The following FSTL1 variants were observed in gnomAD, a reference collection of about 807,000 sequenced individuals.
FSTL1 encodes follistatin like 1, also known as follistatin-related protein 1.
In FSTL1, 24 loss-of-function variants were observed where a neutral mutation model predicts 45.9. That is an observed-to-expected ratio of 0.52 (90% CI 0.38 to 0.74). FSTL1 has a LOEUF of 0.74. FSTL1 is among the 30% of genes least tolerant of loss of function. FSTL1 has a pLI of 0.00. For synonymous variants in FSTL1, 120 were observed against 137.6 expected, an observed-to-expected ratio of 0.87 and a Z score of 0.89; for missense variants, 340 against 381.8, an observed-to-expected ratio of 0.89 and a Z score of 0.91.
In FSTL1 at chr3:120,435,680, TCAG is replaced by T. The variant is rs1937539090; in HGVS notation, c.63+15001_63+15003del. On this transcript the variant is annotated intron_variant, in intron 2 of 10. Coordinates refer to ENST00000295633, the MANE Select transcript of FSTL1 (RefSeq NM_007085.5). The stretch of plus-strand genomic sequence containing the variant: ...GCAGAGAAAAGACTTTTTCCTGGAG[TCAG>T]AGTCAAACAACAAATCACTGGAGAA... Among the ~76,000 whole-genome samples, 4 of 152,214 alleles carry T rather than the reference TCAG, an allele frequency of 2.6e-5. No homozygotes were observed. The South Asian group carries it at 8.3e-4, about 32-fold the overall frequency.
rs1423936894 is a variant in FSTL1, at chr3:120,415,982, C to T, written c.109G>A (p.Gly37Arg). 2 of 1,614,068 alleles carry T rather than the reference C, an allele frequency of 1.2e-6. No homozygotes were observed. Among genetic ancestry groups the T allele is most frequent in the South Asian group, 1.1e-5 (1 of 91,082 alleles). The change falls in exon 3 of 11, where the codon GGA becomes AGA. Residue 37 changes from glycine to arginine, a missense_variant. Gly to Arg is a moderately radical substitution (Grantham distance 125). Coordinates refer to ENST00000295633, the MANE Select transcript of FSTL1 (RefSeq NM_007085.5). ...GTGACTGCACATTCCCGGCCGGCTC[C>T]ACAAAACACATTGGCACAGATCTTG... The part of the protein sequence containing the change: ...KSKICANVFC[G>R]AGRECAVTEK...
chr3:120,406,315 C>T (rs930880174), intron 6 of FSTL1, among the ~76,000 whole-genome samples: 1 of 152,168 alleles, frequency 6.6e-6, no homozygotes, highest in African/African-American at 2.4e-5. Context: ...GTTAGTAGCA[C>T]AGGGCTTTCT....
intron 2 of FSTL1, among the ~76,000 whole-genome samples, chr3:120,448,239 A>G (rs2107675173): frequency 6.6e-6 from 1 of 152,376 alleles, no homozygotes; most frequent in South Asian, 2.1e-4. Flanking sequence ...TATTTGTACA[A>G]TTTTAGCGAT....
intron 6 of FSTL1, among the ~76,000 whole-genome samples, chr3:120,409,272 TC>T (rs1937004736): frequency 6.6e-6 from 1 of 152,210 alleles, no homozygotes; most frequent in Non-Finnish European, 1.5e-5. Flanking sequence ...TGACAGGTTC[TC>T]CAAGACCTTT....
intron 2 of FSTL1, among the ~76,000 whole-genome samples, chr3:120,450,365 G>A (rs965993240): frequency 5.3e-5 from 8 of 152,126 alleles, no homozygotes; most frequent in African/African-American, 9.7e-5. Flanking sequence ...ACGGAACTGA[G>A]GCGCCTTTTT....
intron 5 of FSTL1, 57 bp from the exon 6 acceptor site, chr3:120,409,719 C>A: frequency 1.3e-6 from 2 of 1,568,668 alleles, no homozygotes; most frequent in Non-Finnish European, 8.8e-7. Context: ...CCAGTGATAT[C>A]TGGCACCCAC....
chr3:120,411,798 T>A, intron 4 of FSTL1, 56 bp downstream of exon 4: 1 of 1,536,558 alleles, frequency 6.5e-7, no homozygotes, highest in East Asian at 2.3e-5. Flanking sequence ...CACACTGCTC[T>A]GTTCCTTGGC....
chr3:120,412,817 TGTGCGCGC>T (rs72554515), intron 3 of FSTL1, among the ~76,000 whole-genome samples: 4,014 of 87,470 alleles, frequency 0.046, 75 homozygotes, highest in South Asian at 0.12. Flanking sequence ...CACACACACA[TGTGCGCGC>T]GCGCGCGCGC....
chr3:120,442,442 G>A (rs927612612), intron 2 of FSTL1, among the ~76,000 whole-genome samples: 5 of 152,174 alleles, frequency 3.3e-5, no homozygotes, highest in East Asian at 3.9e-4. Context: ...GTTCTACAGC[G>A]TTGCTCTTAA....
chr3:120,439,986 T>C (rs1937611432), intron 2 of FSTL1, among the ~76,000 whole-genome samples: 1 of 152,118 alleles, frequency 6.6e-6, no homozygotes, highest in South Asian at 2.1e-4. Context: ...TGATGGCACA[T>C]GCCTGTAGTC....
chr3:120,421,656 T>C (rs1177593988), intron 2 of FSTL1: 1 of 152,180 alleles, frequency 6.6e-6, no homozygotes, highest in Non-Finnish European at 1.5e-5. Flanking sequence ...TGGAAAGAAA[T>C]GTGTTGGTAC....
intron 6 of FSTL1, among the ~76,000 whole-genome samples, chr3:120,406,437 C>A (rs1936949249): frequency 1.3e-5 from 2 of 151,868 alleles, no homozygotes; most frequent in African/African-American, 4.8e-5. Context: ...CCAGCACTAG[C>A]TACAGACCCA....
chr3:120,402,293 TC>T (rs1936841950), intron 9 of FSTL1, among the ~76,000 whole-genome samples: 1 of 152,192 alleles, frequency 6.6e-6, no homozygotes, highest in Admixed American at 6.5e-5. Flanking sequence ...CAACCACTAG[TC>T]TTTTACCATT....
chr3:120,403,511 A>ACTATTATC (rs1936870614), intron 7 of FSTL1, among the ~76,000 whole-genome samples, 157 bp from the exon 8 acceptor site: 1 of 152,102 alleles, frequency 6.6e-6, no homozygotes. Context: ...ACCCAACACA[A>ACTATTATC]CTATTATCCA....
At chr3:120,445,424 T>C (rs1191550671) in intron 2 of FSTL1, among the ~76,000 whole-genome samples, 1 of 149,376 alleles carries the variant, frequency 6.7e-6, no homozygotes, top group Non-Finnish European at 1.5e-5. Flanking sequence ...GATTAAAAGA[T>C]AGCCATCTTT....
In FSTL1 at chr3:120,403,932, A is replaced by AAC. The variant is rs1553789470; in HGVS notation, c.582-579_582-578insGT. Among the ~76,000 whole-genome samples the AAC allele has an allele frequency of 1.1e-4, 15 of 131,102 alleles. 1 individual carries two copies. Among genetic ancestry groups the AAC allele is most frequent in the Non-Finnish European group, 2.3e-4 (14 of 60,794 alleles). The allele number at this position is 131,102 out of a possible 152,430, so 86.0% of individuals were successfully genotyped here. A position where few individuals can be genotyped will look rare whatever the true frequency, so the allele number is the denominator to read the frequency against. On this transcript the variant is annotated intron_variant, in intron 7 of 10. Coordinates refer to ENST00000295633, the MANE Select transcript of FSTL1 (RefSeq NM_007085.5). ...CGAGACTCCGTCTCAAAAAAAAAAA[A>AAC]AAAAAAAAAAAACAAAAACAAAACA...
At chr3:120,397,190 A>C (rs752972878) in intron 10 of FSTL1, among the ~76,000 whole-genome samples, 194 bp from the exon 11 acceptor site, 1 of 152,202 alleles carries the variant, frequency 6.6e-6, no homozygotes, top group Non-Finnish European at 1.5e-5. Context: ...ATGGTCATGC[A>C]GGGGCTGTTT....
At chr3:120,433,661 A>G (rs1685306216) in intron 2 of FSTL1, among the ~76,000 whole-genome samples, 1 of 152,210 alleles carries the variant, frequency 6.6e-6, no homozygotes, top group Admixed American at 6.5e-5. Context: ...TCAGCCTGTG[A>G]TCAGTAAGTT....
At chr3:120,447,923 T>A (rs1021891932) in intron 2 of FSTL1, among the ~76,000 whole-genome samples, 7 of 152,220 alleles carry the variant, frequency 4.6e-5, no homozygotes, top group African/African-American at 1.7e-4. Context: ...AGTGCTGGGA[T>A]TACAGGCATG....
Sources: gnomAD v4.1 joint callset for allele counts (sites outside exome capture counted in the v4.1 genomes callset) on GRCh38, gnomAD v4.1.1 for gene constraint, MANE v1.5 for transcripts, NCBI Gene and HGNC (gene_info 2026-07-23, HGNC 2026-07-21) for gene names.